The following APBA3 variants were observed in gnomAD, a reference collection of about 807,000 sequenced individuals.
APBA3 encodes the protein amyloid beta precursor protein binding family A member 3, also known as amyloid-beta A4 precursor protein-binding family A member 3.
A neutral mutation model predicts 55.9 loss-of-function variants in APBA3; 45 were observed. The observed-to-expected ratio is 0.80, with a 90% CI of 0.63 to 1.03. APBA3 has a LOEUF of 1.03. APBA3 is among the 50% of genes least tolerant of loss of function. The pLI is 0.00. For missense variants in APBA3, 865 were observed against 820.3 expected (o/e 1.05, Z -0.67); for synonymous variants, 370 against 353.3 (o/e 1.05, Z -0.53).
chr19:3,754,163 G>C, intron 4 of APBA3, 32 bp downstream of exon 4: 1 of 1,546,120 alleles, frequency 6.5e-7, no homozygotes, highest in Non-Finnish European at 8.7e-7. Context: ...CAGCCCACCC[G>C]CCTGCCCGCC....
Position 3,754,301 on chromosome 19 carries a change from A to T in APBA3, c.656T>A (p.Val219Asp). The T allele has an allele frequency of 6.4e-7, 1 of 1,556,996 alleles. No individual in the cohort carries two copies. Among genetic ancestry groups the T allele is most frequent in the Non-Finnish European group, 8.7e-7 (1 of 1,152,340 alleles). The part of the protein sequence containing the change: ...PCDHEDLLDG[V>D]IFGARYLGST... ...CCCCAGGTACCTGGCCCCAAATATG[A>T]CACCGTCCAGGAGGTCTTCATGGTC... Residue 219 changes from valine to aspartate, a missense_variant, in exon 4 of 11, where the codon GTC becomes GAC. By Grantham distance (152) the Val-to-Asp change is radical (BLOSUM62 -3). Coordinates refer to ENST00000316757, the MANE Select transcript of APBA3 (RefSeq NM_004886.4).
chr19:3,754,001 C>A lies in APBA3; in HGVS notation c.849+18G>T, dbSNP rs367758435. ...GATCACCCCACCCGCATCCCTGGGG[C>A]GGGTCCCTGCCCCGTACCTGGGAGT... On this transcript the variant is annotated intron_variant, in intron 5 of 10. Coordinates refer to ENST00000316757, the MANE Select transcript of APBA3 (RefSeq NM_004886.4). 12 of 1,600,758 alleles carry A rather than the reference C, an allele frequency of 7.5e-6. No homozygotes were observed. Among genetic ancestry groups the A allele is most frequent in the East Asian group, 2.3e-5 (1 of 44,158 alleles).
chr19:3,751,193 C>T lies in APBA3; in HGVS notation c.1652G>A (p.Gly551Asp). ...RIIELLTEAY[G>D]EVHIKTMPAA... ...CACCACCCACCACCCGCACACCTCG[C>T]CATAGGCCTCGGTGAGCAGCTCGAT... Residue 551 changes from glycine (G) to aspartate (D), a missense_variant, in exon 10 of 11, where the codon GGC becomes GAC. Transcript: ENST00000316757. 1.3e-6 allele frequency: 2 copies of T among 1,552,020 alleles called. No homozygotes were observed. Among genetic ancestry groups the T allele is most frequent in the Non-Finnish European group, 8.7e-7 (1 of 1,148,466 alleles).
chr19:3,760,763 A>G lies in APBA3; in HGVS notation c.-37-462T>C, dbSNP rs1158487818. ...ACTATCTCCAAAAAAAAAAAAAAAAACTAGCTAGGGGTGGTGGTGTAGGCT... is the reference window on the plus strand; with the variant it reads ...ACTATCTCCAAAAAAAAAAAAAAAAGCTAGCTAGGGGTGGTGGTGTAGGCT... On this transcript the variant is annotated intron_variant, in intron 1 of 10. Coordinates refer to ENST00000316757, the MANE Select transcript of APBA3 (RefSeq NM_004886.4). Among the ~76,000 whole-genome samples the G allele has an allele frequency of 1.3e-5, 2 of 150,146 alleles. 1 individual carries two copies. Among genetic ancestry groups the G allele is most frequent in the Non-Finnish European group, 3.0e-5 (2 of 67,436 alleles).
In APBA3 at chr19:3,754,259, G is replaced by A. The variant is rs894378369; in HGVS notation, c.698C>T (p.Ser233Leu). Residue 233 changes from serine (S) to leucine (L), a missense_variant, in exon 4 of 11, where the codon TCG becomes TTG. Transcript: ENST00000316757. ...ARYLGSTQLV[S>L]ERNPPTSTRM... ...CGTGCTGGTGGGCGGGTTCCGTTCC[G>A]ACACCAGCTGGGTGGACCCCAGGTA... The A allele has an allele frequency of 1.3e-6, 2 of 1,548,570 alleles. No individual in the cohort carries two copies. The highest frequency in any genetic ancestry group is 1.2e-5 in the South Asian group (1 of 83,868).
At chr19:3,753,965 G>T (rs1016398997) in intron 5 of APBA3, 39 bp from the exon 6 acceptor site, 2 of 1,568,010 alleles carry the variant, frequency 1.3e-6, no homozygotes, top group Non-Finnish European at 8.6e-7. Context: ...TTGGGGGGCC[G>T]TGCCAGGCTC....
At chr19:3,753,948 G>A in intron 5 of APBA3, 22 bp from the exon 6 acceptor site, 1 of 1,558,698 alleles carries the variant, frequency 6.4e-7, no homozygotes, top group Non-Finnish European at 8.7e-7. Flanking sequence ...GAGGCAGCCT[G>A]GGTGGGTTGG....
At chr19:3,754,579 C>T (rs2037053907) in intron 3 of APBA3, 1 of 513,234 alleles carries the variant, frequency 1.9e-6, no homozygotes, top group Admixed American at 4.0e-5. Context: ...GAGTCCAGGC[C>T]ATGGCTGGAT....
In APBA3 at chr19:3,753,689, G is replaced by A. The variant is rs574451328; in HGVS notation, c.1011+76C>T. The A allele has an allele frequency of 7.4e-6, 10 of 1,343,312 alleles. No individual in the cohort carries two copies. In the East Asian group the frequency reaches 1.8e-4, roughly 24 times the overall value. 83.2% of individuals were successfully genotyped at this position (1,343,312 alleles called of 1,614,324 possible). ...TAAGCTTATGGGAGGGAGGTTAAATGCACGGCCCACTGAGGGAGGCGACAG... is the reference window on the plus strand; with the variant it reads ...TAAGCTTATGGGAGGGAGGTTAAATACACGGCCCACTGAGGGAGGCGACAG... On this transcript the variant is annotated intron_variant, in intron 6 of 10. Transcript: ENST00000316757.
intron 1 of APBA3, among the ~76,000 whole-genome samples, chr19:3,761,034 C>T (rs1599178841): frequency 6.6e-6 from 1 of 152,142 alleles, no homozygotes; most frequent in African/African-American, 2.4e-5. Flanking sequence ...CTAACCCTTG[C>T]AAGGAAGTTA....
intron 1 of APBA3, among the ~76,000 whole-genome samples, chr19:3,760,802 C>T (rs1479995755): frequency 6.7e-6 from 1 of 149,906 alleles, no homozygotes; most frequent in Admixed American, 6.6e-5. Context: ...GTCCCAGCTA[C>T]TTGGGAGGCT....
chr19:3,752,487 C>T lies in APBA3; in HGVS notation c.1395+21G>A, dbSNP rs377386385. On this transcript the variant is annotated intron_variant, in intron 8 of 10. Transcript: ENST00000316757. ...TCCCCTTCCTGGGAGTGTGGGGGCC[C>T]TGCCACACCAGGAAACTCACGCGGA... 5.2e-5 allele frequency: 80 copies of T among 1,546,674 alleles called. No homozygotes were observed. The African/African-American group carries it at 7.8e-4, about 15-fold the overall frequency.
At chr19:3,752,445 C>A in intron 8 of APBA3, 63 bp downstream of exon 8, 1 of 1,440,592 alleles carries the variant, frequency 6.9e-7, no homozygotes, top group Non-Finnish European at 9.3e-7. Flanking sequence ...AGGGAGGAGA[C>A]CTCTCTGGGA....
chr19:3,753,853 G>T lies in APBA3; in HGVS notation c.923C>A (p.Ala308Glu). The change falls in exon 6 of 11, where the codon GCG (alanine) becomes GAG (glutamate). Residue 308 changes from alanine to glutamate, a missense_variant. Ala to Glu is a moderately radical substitution (Grantham distance 107). Transcript: ENST00000316757. ...CGGCCTCCGTGCCAGCCGCCGCCGC[G>T]CCATCAGCACCAGCACGCAGCCGAT... Reference protein sequence around the residue: ...ADIGCVLVLMARRRLARRPAP... With the variant: ...ADIGCVLVLMERRRLARRPAP... 1.3e-6 allele frequency: 2 copies of T among 1,567,962 alleles called. No homozygotes were observed. The highest frequency in any genetic ancestry group is 8.6e-7 in the Non-Finnish European group (1 of 1,157,560).
In APBA3 at chr19:3,754,253, C is replaced by T. The variant is rs935806189; in HGVS notation, c.704G>A (p.Arg235Gln). 7 of 1,547,686 alleles carry T rather than the reference C, an allele frequency of 4.5e-6. No individual in the cohort carries two copies. Among genetic ancestry groups the T allele is most frequent in the Non-Finnish European group, 5.2e-6 (6 of 1,146,604 alleles). The stretch of plus-strand genomic sequence containing the variant: ...CATGCGCGTGCTGGTGGGCGGGTTC[C>T]GTTCCGACACCAGCTGGGTGGACCC... The part of the protein sequence containing the change: ...YLGSTQLVSE[R>Q]NPPTSTRMAQ... The change falls in exon 4 of 11, where the codon CGG becomes CAG. Residue 235 changes from arginine to glutamine, a missense_variant. By Grantham distance (43) the Arg-to-Gln change is conservative. Transcript: ENST00000316757.
Position 3,754,269 on chromosome 19 carries a change from G to T in APBA3, c.688C>A (p.Gln230Lys). The change falls in exon 4 of 11, where the codon CAG (glutamine) becomes AAG (lysine). Residue 230 changes from glutamine (Q) to lysine (K), a missense_variant. Physicochemically the swap from Gln to Lys is moderately conservative, Grantham distance 53. Coordinates refer to ENST00000316757, the MANE Select transcript of APBA3 (RefSeq NM_004886.4). The stretch of plus-strand genomic sequence containing the variant: ...GGCGGGTTCCGTTCCGACACCAGCT[G>T]GGTGGACCCCAGGTACCTGGCCCCA... ...IFGARYLGST[Q>K]LVSERNPPTS... 1 of 1,550,264 alleles carries T rather than the reference G, an allele frequency of 6.5e-7. No homozygotes were observed.
In APBA3 at chr19:3,753,826, G is replaced by A. The variant is rs761296824; in HGVS notation, c.950C>T (p.Ala317Val). The A allele has an allele frequency of 1.0e-5, 16 of 1,575,172 alleles. No homozygotes were observed. In the South Asian group the frequency reaches 1.5e-4, roughly 15 times the overall value. ...MARRRLARRP[A>V]PQDHGRRLYK... is the part of the protein sequence containing the mutation. ...GAGGCGGCGGCCGTGGTCCTGGGGT[G>A]CCGGCCTCCGTGCCAGCCGCCGCCG... The change falls in exon 6 of 11, where the codon GCA becomes GTA. Residue 317 changes from alanine to valine, a missense_variant. By Grantham distance (64) the Ala-to-Val change is moderately conservative (BLOSUM62 0). Coordinates refer to ENST00000316757, the MANE Select transcript of APBA3 (RefSeq NM_004886.4).
chr19:3,754,438 T>G (rs760284331), intron 3 of APBA3, 98 bp from the exon 4 acceptor site: 3 of 1,466,088 alleles, frequency 2.0e-6, no homozygotes, highest in Non-Finnish European at 2.7e-6. Flanking sequence ...GACACAGTGT[T>G]CTAGCTGGTG....
At position 3,754,120 on chromosome 19, in the gene APBA3, G is replaced by C. The variant is rs751346469; in HGVS notation, c.763-15C>G. On this transcript the variant is annotated splice_polypyrimidine_tract_variant and intron_variant, in intron 4 of 10. Coordinates refer to ENST00000316757, the MANE Select transcript of APBA3 (RefSeq NM_004886.4). ...CCATCGGGGGCCTGTGGGTGGCGGC[G>C]TGGGAGGTGGAGGCCCCCACAGACC... is the stretch of plus-strand genomic sequence containing the variant. The C allele has an allele frequency of 2.5e-6, 4 of 1,584,206 alleles. No homozygotes were observed.
Sources: allele counts gnomAD v4.1 joint callset (sites outside exome capture counted in the v4.1 genomes callset), GRCh38; gene constraint gnomAD v4.1.1; transcripts MANE v1.5; gene names NCBI Gene and HGNC (gene_info 2026-07-23, HGNC 2026-07-21).